LRMDA: variants seen among roughly 807,000 people sequenced by gnomAD.
LRMDA encodes the protein leucine rich melanocyte differentiation associated.
Under a neutral mutation model 29.8 loss-of-function variants are expected in LRMDA, and 18 were observed. That is an observed-to-expected ratio of 0.60 (90% confidence interval 0.42 to 0.90). The LOEUF is 0.90. LRMDA is among the 40% of genes least tolerant of loss of function. LRMDA has a pLI of 0.00. For missense variants in LRMDA, 273 were observed against 273.9 expected (o/e 1.00, Z 0.02); for synonymous variants, 125 against 109.4 (o/e 1.14, Z -0.89).
At position 75,910,387 on chromosome 10, in the gene LRMDA, C is replaced by A. The variant is rs567389628; in HGVS notation, c.132-125621C>A. Among the ~76,000 whole-genome samples the A allele has an allele frequency of 8.5e-5, 13 of 152,226 alleles. 1 individual carries two copies. In the South Asian group the frequency reaches 2.7e-3, roughly 32 times the overall value. On this transcript the variant is annotated intron_variant, in intron 2 of 6. Coordinates refer to ENST00000611255, the MANE Select transcript of LRMDA (RefSeq NM_001305581.2). ...AATTTTCTATTAAACAGGTCTTCTG[C>A]AGCATTTTAGTTCTAAAAATGTCTA... is the stretch of plus-strand genomic sequence containing the variant.
intron 6 of LRMDA, among the ~76,000 whole-genome samples, chr10:76,435,495 A>G (rs1441878311): frequency 6.6e-6 from 1 of 152,204 alleles, no homozygotes; most frequent in Non-Finnish European, 1.5e-5. Flanking sequence ...ATGACTCTGA[A>G]TCAAGAGTGG....
At chr10:76,283,655 C>A (rs985359766) in intron 5 of LRMDA, among the ~76,000 whole-genome samples, 1 of 152,164 alleles carries the variant, frequency 6.6e-6, no homozygotes, top group Admixed American at 6.5e-5. Context: ...ATCCTCATAA[C>A]AACCCCAGAA....
chr10:75,957,228 G>A (rs1846678560), intron 2 of LRMDA, among the ~76,000 whole-genome samples: 1 of 152,216 alleles, frequency 6.6e-6, no homozygotes, highest in South Asian at 2.1e-4. Flanking sequence ...AACCGTTAGT[G>A]GGCTATGCTG....
chr10:75,758,816 A>T (rs1392724445), intron 2 of LRMDA, among the ~76,000 whole-genome samples: 1 of 152,196 alleles, frequency 6.6e-6, no homozygotes, highest in Non-Finnish European at 1.5e-5. Flanking sequence ...ATTCTGTTTT[A>T]ATTTCTGCCA....
At chr10:76,387,435 T>C (rs1264924399) in intron 6 of LRMDA, among the ~76,000 whole-genome samples, 1 of 152,000 alleles carries the variant, frequency 6.6e-6, no homozygotes, top group Non-Finnish European at 1.5e-5. Context: ...ACCCTGTCTC[T>C]GCAAAAACTA....
At chr10:76,004,726 ATTTTT>A (rs926291826) in intron 2 of LRMDA, among the ~76,000 whole-genome samples, 2 of 134,034 alleles carry the variant, frequency 1.5e-5, no homozygotes, top group Non-Finnish European at 3.2e-5. Flanking sequence ...TTTTCTTTTA[ATTTTT>A]TTTTTTTTTT....
At chr10:76,015,632 G>A (rs1183475741) in intron 2 of LRMDA, among the ~76,000 whole-genome samples, 1 of 152,170 alleles carries the variant, frequency 6.6e-6, no homozygotes, top group African/African-American at 2.4e-5. Context: ...ACACTCAAGT[G>A]GAAGGGGTTA....
rs979233486 is a variant in LRMDA, at chr10:76,041,247, G to A, written c.258+5113G>A. On this transcript the variant is annotated intron_variant, in intron 3 of 6. Transcript: ENST00000611255. ...GGATCTGAGGTACAGCACATAGCCC[G>A]GTGATGGCACCTGTGCTGTCACACA... Among the ~76,000 whole-genome samples, 13 of 152,194 alleles carry A rather than the reference G, an allele frequency of 8.5e-5. No individual in the cohort carries two copies. The East Asian group carries it at 1.7e-3, about 20-fold the overall frequency.
intron 5 of LRMDA, among the ~76,000 whole-genome samples, chr10:76,097,096 C>G (rs909474545): frequency 6.6e-6 from 1 of 151,938 alleles, no homozygotes. Context: ...CTGCAACCTC[C>G]GCCTCCCAGG....
chr10:76,420,159 GA>G (rs908970470), intron 6 of LRMDA, among the ~76,000 whole-genome samples: 1 of 151,790 alleles, frequency 6.6e-6, no homozygotes, highest in Admixed American at 6.6e-5. Context: ...TATGTATTTG[GA>G]AAAATTCATG....
intron 5 of LRMDA, among the ~76,000 whole-genome samples, chr10:76,218,947 A>G (rs979199540): frequency 2.6e-5 from 4 of 152,196 alleles, no homozygotes; most frequent in African/African-American, 4.8e-5. Context: ...AACAGAATCT[A>G]TGCAGCTCCT....
chr10:75,978,712 G>A (rs936313262), intron 2 of LRMDA, among the ~76,000 whole-genome samples: 6 of 152,244 alleles, frequency 3.9e-5, no homozygotes, highest in African/African-American at 1.2e-4. Flanking sequence ...TTGTTTCCTA[G>A]ATGATTTTAG....
At chr10:75,944,655 C>G (rs1333998886) in intron 2 of LRMDA, among the ~76,000 whole-genome samples, 1 of 151,014 alleles carries the variant, frequency 6.6e-6, no homozygotes, top group African/African-American at 2.4e-5. Flanking sequence ...AATCTACCTT[C>G]AAGGTCACTG....
chr10:76,344,677 G>C (rs1276978452), intron 6 of LRMDA, among the ~76,000 whole-genome samples: 2 of 151,960 alleles, frequency 1.3e-5, no homozygotes, highest in Non-Finnish European at 2.9e-5. Flanking sequence ...ATGTGGTACT[G>C]GCACAGGACT....
chr10:76,524,460 T>G (rs150219579), intron 6 of LRMDA, among the ~76,000 whole-genome samples: 1 of 152,332 alleles, frequency 6.6e-6, no homozygotes, highest in African/African-American at 2.4e-5. Context: ...TGGTTATTAG[T>G]GAAAACAAGT....
chr10:75,758,091 C>T (rs774663603), intron 2 of LRMDA, among the ~76,000 whole-genome samples: 5 of 152,216 alleles, frequency 3.3e-5, no homozygotes, highest in Non-Finnish European at 5.9e-5. Context: ...TGAGCCACCA[C>T]GCCCAGCCAG....
At chr10:76,065,144 G>A (rs925305021) in intron 5 of LRMDA, among the ~76,000 whole-genome samples, 2 of 152,074 alleles carry the variant, frequency 1.3e-5, no homozygotes, top group East Asian at 1.9e-4. Context: ...CAGTTTGCAC[G>A]TTCATTTGAG....
intron 5 of LRMDA, among the ~76,000 whole-genome samples, chr10:76,128,067 G>A (rs1259467842): frequency 6.6e-6 from 1 of 152,176 alleles, no homozygotes; most frequent in Admixed American, 6.5e-5. Flanking sequence ...TGGTAGTTTT[G>A]TTTAGAGGTG....
chr10:75,854,959 G>T (rs540732008), intron 2 of LRMDA, among the ~76,000 whole-genome samples: 1 of 152,240 alleles, frequency 6.6e-6, no homozygotes, highest in African/African-American at 2.4e-5. Flanking sequence ...TCTTAATCCA[G>T]TCTATCATTG....
Sources: allele counts gnomAD v4.1 joint callset (sites outside exome capture counted in the v4.1 genomes callset), GRCh38; gene constraint gnomAD v4.1.1; transcripts MANE v1.5; gene names NCBI Gene and HGNC (gene_info 2026-07-23, HGNC 2026-07-21).